The following PROS1 variants were observed in gnomAD, a reference collection of about 807,000 sequenced individuals.
The protein encoded by PROS1 is vitamin K-dependent protein S.
In PROS1, 29 loss-of-function variants were observed where a neutral mutation model predicts 75.9. The ratio of observed to expected loss-of-function variants is 0.38; its 90% confidence interval spans 0.28 to 0.52. PROS1 has a LOEUF of 0.52. Among genes scored for constraint, PROS1 ranks in the 20% least tolerant of loss-of-function variants. PROS1 has a pLI of 0.83. For synonymous variants in PROS1, 245 were observed against 280.6 expected (o/e 0.87, Z 1.27); for missense variants, 680 against 810.3 (o/e 0.84, Z 1.95).
rs764034062 is a variant in PROS1 at position 93,874,254 on chromosome 3, C to T, written c.2022G>A (p.Lys674=). 1 of 1,613,318 alleles carries T rather than the reference C, an allele frequency of 6.2e-7. No individual in the cohort carries two copies. The highest frequency in any genetic ancestry group is 1.1e-5 in the South Asian group (1 of 91,068). ...GCAGAGAAAAGATGCCTTAAGAATTCTTTGTCTTTTTCCAAACTGATGGAC... is the reference window on the plus strand; with the variant it reads ...GCAGAGAAAAGATGCCTTAAGAATTTTTTGTCTTTTTCCAAACTGATGGAC... The part of the protein sequence containing the change: ...HSCPSVWKKT[K]NS Residue 674 remains lysine (K), a synonymous_variant, in exon 15 of 15, where the codon AAG becomes AAA. Transcript: ENST00000394236.
intron 1 of PROS1, among the ~76,000 whole-genome samples, chr3:93,931,420 G>T (rs1160350741): frequency 6.6e-6 from 1 of 152,154 alleles, no homozygotes; most frequent in Non-Finnish European, 1.5e-5. Flanking sequence ...TATAATAAAA[G>T]ACATAGTAAT....
At chr3:93,968,357 G>A (rs1252585520) in intron 1 of PROS1, among the ~76,000 whole-genome samples, 2 of 152,146 alleles carry the variant, frequency 1.3e-5, no homozygotes, top group Admixed American at 6.5e-5. Context: ...CCAAAGCCAA[G>A]GAACATCTGA....
intron 4 of PROS1, 129 bp from the exon 5 acceptor site, chr3:93,906,272 T>A: frequency 9.9e-7 from 1 of 1,008,562 alleles, no homozygotes. Context: ...TTTCTTTAAA[T>A]AATACTTTTC....
In PROS1 at chr3:93,965,094, C is replaced by T. The variant is rs144125114; in HGVS notation, c.76+8580G>A. ...AATCAACTATTGCCTGAGAGCACAG[C>T]GGGAGGGACAAGGATCGGGATAAAA... On this transcript the variant is annotated intron_variant, in intron 1 of 14. Transcript: ENST00000394236. 9.2e-3 allele frequency among the ~76,000 whole-genome samples: 1,395 copies of T among 152,284 alleles called. 17 individuals are homozygous for T. The highest frequency in any genetic ancestry group is 0.03 in the African/African-American group (1,231 of 41,546).
intron 1 of PROS1, among the ~76,000 whole-genome samples, chr3:93,957,904 C>A (rs1670405230): frequency 6.6e-6 from 1 of 151,980 alleles, no homozygotes; most frequent in Admixed American, 6.6e-5. Context: ...GCCTGGCCAA[C>A]ATGGTGAAAC....
At chr3:93,923,441 C>G (rs1474354538) in intron 3 of PROS1, among the ~76,000 whole-genome samples, 1 of 151,898 alleles carries the variant, frequency 6.6e-6, no homozygotes, top group Non-Finnish European at 1.5e-5. Context: ...CAAATATTGT[C>G]TATTTTTATT....
At chr3:93,925,839 A>AT (rs1709008687) in intron 2 of PROS1, among the ~76,000 whole-genome samples, 1 of 150,964 alleles carries the variant, frequency 6.6e-6, no homozygotes, top group Non-Finnish European at 1.5e-5. Context: ...AAAAAAAAAA[A>AT]AGTAACTTTT....
chr3:93,927,579 T>C (rs1392356276), intron 1 of PROS1, among the ~76,000 whole-genome samples, 172 bp from the exon 2 acceptor site: 1 of 152,060 alleles, frequency 6.6e-6, no homozygotes, highest in African/African-American at 2.4e-5. Context: ...TGGTTAACAA[T>C]TCAGAGAGCG....
rs764951889 is a variant in PROS1 at position 93,886,513 on chromosome 3, A to C, written c.1156-10T>G. On this transcript the variant is annotated splice_polypyrimidine_tract_variant and intron_variant, in intron 10 of 14. Coordinates refer to ENST00000394236, the MANE Select transcript of PROS1 (RefSeq NM_000313.4). Reference sequence around the variant, plus strand: ...ATTCTTCCACAGACACCTACAATTAAAAAGAAAAATTACCAAATAACCAAG... The same window carrying C: ...ATTCTTCCACAGACACCTACAATTACAAAGAAAAATTACCAAATAACCAAG... 6.9e-6 allele frequency: 11 copies of C among 1,592,362 alleles called. No homozygotes were observed. In the South Asian group the frequency reaches 1.2e-4, roughly 18 times the overall value.
chr3:93,880,118 G>T (rs903900078), intron 12 of PROS1, among the ~76,000 whole-genome samples: 2 of 152,170 alleles, frequency 1.3e-5, no homozygotes, highest in Non-Finnish European at 2.9e-5. Flanking sequence ...AAGGGTAAAT[G>T]TGAATAAGGA....
intron 10 of PROS1, among the ~76,000 whole-genome samples, chr3:93,886,705 G>A (rs1208956816): frequency 1.3e-5 from 2 of 151,982 alleles, no homozygotes; most frequent in African/African-American, 2.4e-5. Context: ...GTGGCAGCAC[G>A]ATCAAAAATT....
chr3:93,879,097 T>C, intron 13 of PROS1, 66 bp downstream of exon 13: 1 of 1,443,948 alleles, frequency 6.9e-7, no homozygotes, highest in Non-Finnish European at 9.5e-7. Context: ...AGGTAAATAC[T>C]GCTATGTATA....
intron 1 of PROS1, among the ~76,000 whole-genome samples, chr3:93,937,314 T>C (rs1290536167): frequency 2.6e-5 from 4 of 151,986 alleles, no homozygotes; most frequent in African/African-American, 9.7e-5. Context: ...CACAGTGTTC[T>C]TTTACACAAT....
intron 1 of PROS1, among the ~76,000 whole-genome samples, chr3:93,938,953 C>G (rs544674214): frequency 6.6e-6 from 1 of 152,228 alleles, no homozygotes; most frequent in East Asian, 1.9e-4. Flanking sequence ...GCTCACCACC[C>G]CCCTTCTCCA....
At position 93,943,325 on chromosome 3, in the gene PROS1, C is replaced by T. The variant is rs1709321399; in HGVS notation, c.77-15918G>A. On this transcript the variant is annotated intron_variant, in intron 1 of 14. Transcript: ENST00000394236. ...TTACACTGAACCCCTTGGACACTCTCTAATTGGATGTCCTGGGTCCTCCCA... is the reference window on the plus strand; with the variant it reads ...TTACACTGAACCCCTTGGACACTCTTTAATTGGATGTCCTGGGTCCTCCCA... Among the ~76,000 whole-genome samples, 5 of 152,162 alleles carry T rather than the reference C, an allele frequency of 3.3e-5. No individual in the cohort carries two copies. The South Asian group carries it at 1.0e-3, about 31-fold the overall frequency.
rs189528951 is a variant in PROS1 at position 93,913,266 on chromosome 3, C to T, written c.260-2561G>A. On this transcript the variant is annotated intron_variant, in intron 3 of 14. Transcript: ENST00000394236. ...TTTGGCTGTGTCCCAACCCAAATCT[C>T]ATTTTGAATTGTAATAATCCCCATG... 2.0e-5 allele frequency among the ~76,000 whole-genome samples: 3 copies of T among 152,016 alleles called. No homozygotes were observed. The East Asian group carries it at 5.8e-4, about 29-fold the overall frequency.
intron 1 of PROS1, among the ~76,000 whole-genome samples, chr3:93,961,627 A>T (rs141503821): frequency 3.3e-4 from 50 of 152,358 alleles, no homozygotes; most frequent in East Asian, 1.5e-3. Flanking sequence ...CTGTGAGATA[A>T]TAAATTGTGT....
At chr3:93,973,328 C>A (rs1051390646) in intron 1 of PROS1, among the ~76,000 whole-genome samples, 1 of 152,148 alleles carries the variant, frequency 6.6e-6, no homozygotes, top group Non-Finnish European at 1.5e-5. Flanking sequence ...CTTTTCTTCC[C>A]TACTCATAAG....
intron 10 of PROS1, among the ~76,000 whole-genome samples, chr3:93,890,278 G>A (rs1332916145): frequency 1.3e-5 from 2 of 152,134 alleles, no homozygotes; most frequent in African/African-American, 2.4e-5. Flanking sequence ...AAGACAATAC[G>A]TGCACCGCTG....
Sources: allele counts gnomAD v4.1 joint callset (sites outside exome capture counted in the v4.1 genomes callset), GRCh38; gene constraint gnomAD v4.1.1; transcripts MANE v1.5; gene names NCBI Gene and HGNC (gene_info 2026-07-23, HGNC 2026-07-21).